Variants in TMEM71 observed in about 807,000 individuals in gnomAD.
The protein encoded by TMEM71 is transmembrane protein 71.
TMEM71 carries 44 observed loss-of-function variants against 38.0 expected under a neutral mutation model. That is an observed-to-expected ratio of 1.16 (90% CI 0.91 to 1.49). TMEM71 has a LOEUF of 1.49. TMEM71 is among the 40% of genes most tolerant of loss of function. The pLI is 0.00. For missense variants in TMEM71, 367 were observed against 348.6 expected, an observed-to-expected ratio of 1.05 and a Z score of -0.42; for synonymous variants, 133 against 122.5, an observed-to-expected ratio of 1.09 and a Z score of -0.56.
chr8:132,709,935 C>G (rs1239508205), downstream of TMEM71: 1 of 152,016 alleles, frequency 6.6e-6, no homozygotes, highest in African/African-American at 2.4e-5. Flanking sequence ...TACACACACA[C>G]AAATATAAAT....
Position 132,710,893 on chromosome 8 carries a change from A to G in TMEM71, c.*74T>C, listed in dbSNP as rs1563740038. On this transcript the variant is annotated 3_prime_UTR_variant, in exon 10 of 10. Transcript: ENST00000677595. ...CCCTTCCAATAAAACACTTGATTCC[A>G]AGTAGACTGCAAGTTGGACAATTTC... 7.1e-7 allele frequency: 1 copy of G among 1,411,916 alleles called. No homozygotes were observed. Among genetic ancestry groups the G allele is most frequent in the Non-Finnish European group, 1.0e-6 (1 of 998,762 alleles). The allele number at this position is 1,411,916 out of a possible 1,614,324, so 87.5% of individuals were successfully genotyped here.
At chr8:132,771,438 A>C in the TMEM71 span, among the ~76,000 whole-genome samples, 1 of 152,168 alleles carries the variant, frequency 6.6e-6, no homozygotes, top group Non-Finnish European at 1.5e-5. Flanking sequence ...TTAGTAGCAG[A>C]GACTTTGATA....
chr8:132,750,618 T>C (rs969324490), intron 4 of TMEM71, among the ~76,000 whole-genome samples: 3 of 152,210 alleles, frequency 2.0e-5, no homozygotes, highest in African/African-American at 4.8e-5. Context: ...TTTTATATCA[T>C]TAAGATTTGA....
chr8:132,732,923 G>C (rs996485636), intron 5 of TMEM71, among the ~76,000 whole-genome samples: 1 of 152,132 alleles, frequency 6.6e-6, no homozygotes, highest in African/African-American at 2.4e-5. Flanking sequence ...GTGATGCTGA[G>C]GCTGAGAAAC....
chr8:132,723,190 T>C (rs996574305), intron 6 of TMEM71, among the ~76,000 whole-genome samples: 1 of 152,216 alleles, frequency 6.6e-6, no homozygotes, highest in Non-Finnish European at 1.5e-5. Flanking sequence ...AAATGTACAG[T>C]TGTTCATGTA....
intron 5 of TMEM71, among the ~76,000 whole-genome samples, chr8:132,731,991 G>A (rs543479973): frequency 5.2e-4 from 79 of 152,276 alleles, no homozygotes; most frequent in African/African-American, 1.7e-3. Flanking sequence ...AAAGTAAGGC[G>A]GGAGGCAAAA....
At chr8:132,763,961 T>C (rs1829333176), upstream of TMEM71, among the ~76,000 whole-genome samples, 1 of 152,226 alleles carries the variant, frequency 6.6e-6, no homozygotes, top group African/African-American at 2.4e-5. Context: ...GTCTGCATGC[T>C]TCCTTAAATC....
the TMEM71 span, among the ~76,000 whole-genome samples, chr8:132,775,917 C>T: frequency 6.6e-6 from 1 of 152,204 alleles, no homozygotes; most frequent in Non-Finnish European, 1.5e-5. Context: ...CACCCCCTCT[C>T]TGTCTGGCCT....
At chr8:132,738,764 T>C (rs1428877247) in intron 5 of TMEM71, among the ~76,000 whole-genome samples, 2 of 152,188 alleles carry the variant, frequency 1.3e-5, no homozygotes, top group Non-Finnish European at 2.9e-5. Flanking sequence ...AAAACTAGAA[T>C]CACTCAATTT....
intron 9 of TMEM71, among the ~76,000 whole-genome samples, chr8:132,711,917 G>T (rs1435748863): frequency 1.3e-5 from 2 of 151,924 alleles, no homozygotes; most frequent in South Asian, 2.1e-4. Context: ...TGTTAGAGGA[G>T]ACTTATGAGT....
chr8:132,734,663 AG>A lies in TMEM71; in HGVS notation c.488-6678del, dbSNP rs1192855962. 5.3e-5 allele frequency among the ~76,000 whole-genome samples: 8 copies of A among 152,352 alleles called. No homozygotes were observed. In the South Asian group the frequency reaches 1.7e-3, roughly 32 times the overall value. On this transcript the variant is annotated intron_variant, in intron 5 of 9. Coordinates refer to ENST00000677595, the MANE Select transcript of TMEM71 (RefSeq NM_001382403.1). ...AAGTCTTAACATTCAAAAACGATCA[AG>A]GAGATTTTTCATCTCTGAAAAGACA...
chr8:132,775,822 C>G, the TMEM71 span, among the ~76,000 whole-genome samples: 6 of 152,180 alleles, frequency 3.9e-5, no homozygotes, highest in Admixed American at 1.3e-4. Context: ...TCCTTACCCC[C>G]CTGCGGAGGG....
chr8:132,766,654 A>T, the TMEM71 span, among the ~76,000 whole-genome samples: 1 of 151,998 alleles, frequency 6.6e-6, no homozygotes, highest in Non-Finnish European at 1.5e-5. Context: ...AGCCAGGTGT[A>T]GTGGCTTAAG....
downstream of TMEM71, among the ~76,000 whole-genome samples, chr8:132,708,043 T>G (rs1335018565): frequency 1.1e-4 from 17 of 152,212 alleles, no homozygotes; most frequent in Admixed American, 1.1e-3. Flanking sequence ...GAAATCATAT[T>G]ATGATGATGA....
chr8:132,764,211 C>A (rs1487758875), upstream of TMEM71, among the ~76,000 whole-genome samples: 1 of 152,058 alleles, frequency 6.6e-6, no homozygotes, highest in African/African-American at 2.4e-5. Flanking sequence ...CCAGCTACAT[C>A]AAATCAGTAT....
intron 6 of TMEM71, among the ~76,000 whole-genome samples, chr8:132,725,471 G>A (rs1347634810): frequency 6.6e-6 from 1 of 152,172 alleles, no homozygotes; most frequent in African/African-American, 2.4e-5. Context: ...TGTAAGCCTG[G>A]AATTTTCATT....
chr8:132,707,116 G>T (rs545920178), downstream of TMEM71, among the ~76,000 whole-genome samples: 5 of 152,118 alleles, frequency 3.3e-5, no homozygotes, highest in African/African-American at 1.2e-4. Flanking sequence ...AATTTCAAAG[G>T]TCAGGGAGGA....
At chr8:132,746,488 C>T (rs10094650) in intron 5 of TMEM71, among the ~76,000 whole-genome samples, 597 of 54,244 alleles carry the variant, frequency 0.011, 11 homozygotes, top group Middle Eastern at 0.027. Flanking sequence ...TATATATATA[C>T]ATATATATAC....
intron 7 of TMEM71, among the ~76,000 whole-genome samples, chr8:132,716,764 A>G (rs1372880751): frequency 6.6e-6 from 1 of 152,196 alleles, no homozygotes; most frequent in Non-Finnish European, 1.5e-5. Flanking sequence ...CTTGAAAGAT[A>G]TAAATTATCC....
Sources: gnomAD v4.1 joint callset for allele counts (sites outside exome capture counted in the v4.1 genomes callset) on GRCh38, gnomAD v4.1.1 for gene constraint, MANE v1.5 for transcripts, NCBI Gene and HGNC (gene_info 2026-07-23, HGNC 2026-07-21) for gene names.